DNAJC13: variants seen among roughly 807,000 people sequenced by gnomAD.
DNAJC13 encodes dnaJ homolog subfamily C member 13.
In DNAJC13, 75 loss-of-function variants were observed where a neutral mutation model predicts 290.5. That is an observed-to-expected ratio of 0.26 (90% CI 0.21 to 0.31). DNAJC13 has a LOEUF of 0.31. Ranked by LOEUF, DNAJC13 falls within the 10% of genes least tolerant of loss-of-function variation. The pLI is 1.00. For missense variants in DNAJC13, 2,260 were observed against 2,674.5 expected (o/e 0.85, Z 3.42); for synonymous variants, 862 against 892.0 (o/e 0.97, Z 0.60).
At chr3:132,430,195 A>C (rs570738097) in intron 1 of DNAJC13, among the ~76,000 whole-genome samples, 1 of 152,222 alleles carries the variant, frequency 6.6e-6, no homozygotes, top group Admixed American at 6.5e-5. Context: ...AGGTTTATAG[A>C]CCTTCAAAAG....
intron 40 of DNAJC13, among the ~76,000 whole-genome samples, chr3:132,502,992 A>G (rs1935469473): frequency 6.6e-6 from 1 of 152,224 alleles, no homozygotes; most frequent in Non-Finnish European, 1.5e-5. Flanking sequence ...CATTGGGTAT[A>G]AGTTAGTACA....
chr3:132,510,443 A>T (rs528739611), intron 43 of DNAJC13, among the ~76,000 whole-genome samples: 6 of 152,076 alleles, frequency 3.9e-5, no homozygotes, highest in African/African-American at 1.4e-4. Flanking sequence ...GGCTGGTCTC[A>T]AACTCCTGGC....
At chr3:132,454,014 T>C (rs371902534) in intron 8 of DNAJC13, 52 bp from the exon 9 acceptor site, 1 of 1,344,996 alleles carries the variant, frequency 7.4e-7, no homozygotes, top group African/African-American at 1.5e-5. Flanking sequence ...AATGAAATAC[T>C]ATAAAACTAT....
intron 48 of DNAJC13, among the ~76,000 whole-genome samples, chr3:132,520,590 G>A (rs1394986376): frequency 1.3e-5 from 2 of 152,308 alleles, no homozygotes; most frequent in African/African-American, 2.4e-5. Flanking sequence ...TCAGAAATCC[G>A]ATAGGAAGAG....
At chr3:132,469,546 A>G (rs1302618336) in intron 20 of DNAJC13, among the ~76,000 whole-genome samples, 8 of 152,192 alleles carry the variant, frequency 5.3e-5, no homozygotes, top group Admixed American at 1.3e-4. Flanking sequence ...TAGCATTTAC[A>G]TTTTTATTAC....
chr3:132,516,477 C>A lies in DNAJC13; in HGVS notation c.5541C>A (p.Ile1847=). The change falls in exon 47 of 56, where the codon ATC becomes ATA. Residue 1847 remains isoleucine, a synonymous_variant. Coordinates refer to ENST00000260818, the MANE Select transcript of DNAJC13 (RefSeq NM_015268.4). ...CTTTGACATCGAGTACAAAAATAAT[C>A]AAAGAAGCAATGGCAAAGGGTAATG... ...LYALTSSTKI[I]KEAMAKGALI... 4 of 1,613,712 alleles carry A rather than the reference C, an allele frequency of 2.5e-6. No individual in the cohort carries two copies. Among genetic ancestry groups the A allele is most frequent in the Non-Finnish European group, 3.4e-6 (4 of 1,179,758 alleles).
At chr3:132,505,649 A>G (rs756389332) in intron 42 of DNAJC13, among the ~76,000 whole-genome samples, 1 of 152,202 alleles carries the variant, frequency 6.6e-6, no homozygotes, top group Non-Finnish European at 1.5e-5. Flanking sequence ...TATTTTAACC[A>G]GTTTTTGAAC....
intron 51 of DNAJC13, among the ~76,000 whole-genome samples, chr3:132,524,580 A>G (rs1189583200): frequency 3.9e-5 from 6 of 152,266 alleles, no homozygotes; most frequent in Admixed American, 2.0e-4. Context: ...ATTAGTTACT[A>G]TCATTAGCTT....
intron 27 of DNAJC13, among the ~76,000 whole-genome samples, chr3:132,482,669 G>A (rs1167177944): frequency 6.6e-6 from 1 of 152,020 alleles, no homozygotes; most frequent in Non-Finnish European, 1.5e-5. Context: ...ACCAGCCTGG[G>A]CAACATAGCA....
intron 55 of DNAJC13, among the ~76,000 whole-genome samples, chr3:132,531,938 A>T (rs1375942324): frequency 6.6e-6 from 1 of 152,252 alleles, no homozygotes; most frequent in African/African-American, 2.4e-5. Context: ...GTTTCAAAAG[A>T]TACTATGTTT....
At chr3:132,519,646 CAT>C (rs895781076) in intron 48 of DNAJC13, among the ~76,000 whole-genome samples, 3 of 151,688 alleles carry the variant, frequency 2.0e-5, no homozygotes, top group African/African-American at 7.3e-5. Context: ...CTTTTTATGT[CAT>C]ATCTAAGAAA....
chr3:132,506,709 G>A (rs1021240966), intron 42 of DNAJC13, among the ~76,000 whole-genome samples: 3 of 151,548 alleles, frequency 2.0e-5, no homozygotes, highest in Non-Finnish European at 2.9e-5. Flanking sequence ...GTATCACCAC[G>A]CCCAGCCACT....
rs777556316 is a variant in DNAJC13 at position 132,526,229 on chromosome 3, G to A, written c.6329G>A (p.Cys2110Tyr). ...CGAGCAGATACTGTTGGTCTAGCCT[G>A]TGAAGCAATTAATCGAATGTTTCAG... ...KKRADTVGLA[C>Y]EAINRMFQKE... The change falls in exon 53 of 56, where the codon TGT becomes TAT. Residue 2110 changes from cysteine to tyrosine, a missense_variant. Physicochemically the swap from Cys to Tyr is radical, Grantham distance 194. Transcript: ENST00000260818. 2 of 1,613,950 alleles carry A rather than the reference G, an allele frequency of 1.2e-6. No individual in the cohort carries two copies. Among genetic ancestry groups the A allele is most frequent in the African/African-American group, 1.3e-5 (1 of 74,924 alleles).
In DNAJC13 at chr3:132,456,388, A is replaced by C; in HGVS notation, c.1086A>C (p.Leu362Phe). The change falls in exon 10 of 56, where the codon TTA becomes TTC. Residue 362 changes from leucine to phenylalanine, a missense_variant. Coordinates refer to ENST00000260818, the MANE Select transcript of DNAJC13 (RefSeq NM_015268.4). Reference sequence around the variant, plus strand: ...TAGAGAGCCTTCACCTCAGGTTCTTAGCTACGCCTCCAAGTAAGTATTGAT... The same window carrying C: ...TAGAGAGCCTTCACCTCAGGTTCTTCGCTACGCCTCCAAGTAAGTATTGAT... ...EEVESLHLRF[L>F]ATPPNGNFAD... 6.2e-7 allele frequency: 1 copy of C among 1,613,000 alleles called. No homozygotes were observed. Among genetic ancestry groups the C allele is most frequent in the Non-Finnish European group, 8.5e-7 (1 of 1,179,622 alleles).
rs925443023 is a variant in DNAJC13 at position 132,472,116 on chromosome 3, A to G, written c.2209-1029A>G. ...TCAGGCGTGGCGGCGCGTGCCTGCA[A>G]TGGCAGGCACTCGGCAGGCTGAGGC... On this transcript the variant is annotated intron_variant, in intron 20 of 55. Coordinates refer to ENST00000260818, the MANE Select transcript of DNAJC13 (RefSeq NM_015268.4). Among the ~76,000 whole-genome samples, 403 of 149,700 alleles carry G rather than the reference A, an allele frequency of 2.7e-3. 1 individual carries two copies. The highest frequency in any genetic ancestry group is 9.4e-3 in the African/African-American group (386 of 41,136).
Position 132,499,110 on chromosome 3 carries a change from C to A in DNAJC13, c.4157-16C>A. 1 of 1,557,142 alleles carries A rather than the reference C, an allele frequency of 6.4e-7. No individual in the cohort carries two copies. The highest frequency in any genetic ancestry group is 1.2e-5 in the South Asian group (1 of 84,750). On this transcript the variant is annotated splice_polypyrimidine_tract_variant and intron_variant, in intron 36 of 55. Coordinates refer to ENST00000260818, the MANE Select transcript of DNAJC13 (RefSeq NM_015268.4). ...TTTTGTTTTGTTTTTCTAACACTAA[C>A]CATTGGTTATTTCAGATTTACAGCC...
intron 1 of DNAJC13, among the ~76,000 whole-genome samples, chr3:132,432,725 T>TA (rs1422978041): frequency 1.3e-5 from 2 of 152,238 alleles, no homozygotes; most frequent in Non-Finnish European, 2.9e-5. Context: ...TTCTGGATTT[T>TA]ATATACTAAG....
intron 1 of DNAJC13, among the ~76,000 whole-genome samples, chr3:132,425,871 T>TA (rs1939076531): frequency 6.6e-6 from 1 of 152,152 alleles, no homozygotes; most frequent in South Asian, 2.1e-4. Flanking sequence ...TTTTTTTGCT[T>TA]ATAGCTTGAC....
chr3:132,434,730 C>G lies in DNAJC13; in HGVS notation c.68+112C>G, dbSNP rs560775183. 4.7e-5 allele frequency: 33 copies of G among 706,738 alleles called. No homozygotes were observed. The African/African-American group carries it at 5.1e-4, about 11-fold the overall frequency. The allele number at this position is 706,738 out of a possible 1,614,324, so 43.8% of individuals were successfully genotyped here. A position where few individuals can be genotyped will look rare whatever the true frequency, so the allele number is the denominator to read the frequency against. On this transcript the variant is annotated intron_variant, in intron 2 of 55. Coordinates refer to ENST00000260818, the MANE Select transcript of DNAJC13 (RefSeq NM_015268.4). Reference sequence around the variant, plus strand: ...ACAACTCAGGCTATACAGCCCTTCTCTTCTGAAAAACGTGCATATTATAAA... The same window carrying G: ...ACAACTCAGGCTATACAGCCCTTCTGTTCTGAAAAACGTGCATATTATAAA...
Sources: allele counts gnomAD v4.1 joint callset (sites outside exome capture counted in the v4.1 genomes callset), GRCh38; gene constraint gnomAD v4.1.1; transcripts MANE v1.5; gene names NCBI Gene and HGNC (gene_info 2026-07-23, HGNC 2026-07-21).